The following PACS2 variants were observed in gnomAD, a reference collection of about 807,000 sequenced individuals.
The protein encoded by PACS2 is PACS1-like protein.
A neutral mutation model predicts 113.0 loss-of-function variants in PACS2; 36 were observed. That is an observed-to-expected ratio of 0.32 (90% CI 0.24 to 0.42). The LOEUF is 0.42. Among genes scored for constraint, PACS2 ranks in the 10% least tolerant of loss-of-function variants. The pLI is 1.00. For synonymous variants in PACS2, 589 were observed against 536.1 expected (o/e 1.10, Z -1.36); for missense variants, 1,015 against 1,239.5 (o/e 0.82, Z 2.72).
At chr14:105,360,056 T>C (rs1435399989) in intron 4 of PACS2, among the ~76,000 whole-genome samples, 1 of 152,194 alleles carries the variant, frequency 6.6e-6, no homozygotes, top group African/African-American at 2.4e-5. Flanking sequence ...CTGTCTCTCA[T>C]ATAGGCTGAC....
At chr14:105,360,292 C>T (rs1278569047) in intron 4 of PACS2, among the ~76,000 whole-genome samples, 2 of 152,098 alleles carry the variant, frequency 1.3e-5, no homozygotes, top group Non-Finnish European at 2.9e-5. Context: ...GTAATCCCAG[C>T]ACTTTGGGAG....
chr14:105,304,176 C>A (rs2058111524), intron 1 of PACS2, among the ~76,000 whole-genome samples: 1 of 152,088 alleles, frequency 6.6e-6, no homozygotes, highest in African/African-American at 2.4e-5. Flanking sequence ...AAGACCACAC[C>A]CACAACGGTA....
At chr14:105,325,491 C>T (rs149933112) in intron 1 of PACS2, among the ~76,000 whole-genome samples, 6 of 152,156 alleles carry the variant, frequency 3.9e-5, no homozygotes, top group Admixed American at 3.3e-4. Context: ...TGCTGTGTCT[C>T]GCATTTCTGT....
At position 105,389,989 on chromosome 14, in the gene PACS2, A is replaced by G. The variant is rs782503861; in HGVS notation, c.2062A>G (p.Ile688Val). Residue 688 changes from isoleucine (I) to valine (V), a missense_variant, in exon 20 of 25, where the codon ATT (isoleucine) becomes GTT (valine). Ile to Val is a conservative substitution (Grantham distance 29, BLOSUM62 3). Coordinates refer to ENST00000447393, the MANE Select transcript of PACS2 (RefSeq NM_001100913.3). Reference sequence around the variant, plus strand: ...TGACGAAGAGTCCTCCCAAAAGTTCATTCCCTTTGTCGGGGTGAGTACTGG... The same window carrying G: ...TGACGAAGAGTCCTCCCAAAAGTTCGTTCCCTTTGTCGGGGTGAGTACTGG... ...SPDEESSQKF[I>V]PFVGVVKVGI... The G allele has an allele frequency of 1.2e-5, 20 of 1,613,858 alleles. No individual in the cohort carries two copies. Among genetic ancestry groups the G allele is most frequent in the Non-Finnish European group, 1.5e-5 (18 of 1,179,918 alleles).
At chr14:105,364,047 A>C (rs1365806643) in intron 4 of PACS2, among the ~76,000 whole-genome samples, 1 of 152,170 alleles carries the variant, frequency 6.6e-6, no homozygotes, top group East Asian at 1.9e-4. Flanking sequence ...TGTGATAGTC[A>C]CACCGTAGCT....
Position 105,357,436 on chromosome 14 carries a change from G to C in PACS2, c.423+2259G>C, listed in dbSNP as rs1201021411. On this transcript the variant is annotated intron_variant, in intron 4 of 24. Transcript: ENST00000447393. This position sits in a 1 kb window ranked among gnomAD's most constrained non-coding sequence, Gnocchi z 5.1. The stretch of plus-strand genomic sequence containing the variant: ...CCCTGCACCTGTGGCTTCCAAAGCC[G>C]AGGTCATCTGACTGCTCCTCGCTCT... Among the ~76,000 whole-genome samples, 1 of 152,072 alleles carries C rather than the reference G, an allele frequency of 6.6e-6. No individual in the cohort carries two copies. The highest frequency in any genetic ancestry group is 2.4e-5 in the African/African-American group (1 of 41,400).
At chr14:105,368,271 G>A (rs2061014232) in intron 6 of PACS2, 124 bp downstream of exon 6, 5 of 834,844 alleles carry the variant, frequency 6.0e-6, no homozygotes, top group Non-Finnish European at 7.7e-6. Flanking sequence ...CCTGGCCCCT[G>A]GTTGGCCGCC....
In PACS2 at chr14:105,383,510, C is replaced by T. The variant is rs1294051904; in HGVS notation, c.1777C>T (p.Leu593=). ...CTACATGCGCTTCCTGGTCATCCCACTGGGTGAGCACCACGCCGTCCACCT... is the reference window on the plus strand; with the variant it reads ...CTACATGCGCTTCCTGGTCATCCCATTGGGTGAGCACCACGCCGTCCACCT... The part of the protein sequence containing the change: ...LGYMRFLVIP[L]GSHPVARYLG... The change falls in exon 16 of 25, where the codon CTG becomes TTG. Residue 593 remains leucine, a synonymous_variant. Transcript: ENST00000447393. 1.3e-6 allele frequency: 2 copies of T among 1,591,062 alleles called. No homozygotes were observed. Among genetic ancestry groups the T allele is most frequent in the Non-Finnish European group, 1.7e-6 (2 of 1,168,900 alleles).
Position 105,392,774 on chromosome 14 carries a change from C to T in PACS2, c.2411C>T (p.Pro804Leu). 1.2e-6 allele frequency: 2 copies of T among 1,611,462 alleles called. No individual in the cohort carries two copies. The highest frequency in any genetic ancestry group is 2.2e-5 in the South Asian group (2 of 91,076). Residue 804 changes from proline to leucine, a missense_variant, in exon 23 of 25, where the codon CCC (proline) becomes CTC (leucine). Around this residue, in one of 3 missense-constraint regions of PACS2, gnomAD observed 859 missense variants for 1,056.8 expected, o/e 0.81. Coordinates refer to ENST00000447393, the MANE Select transcript of PACS2 (RefSeq NM_001100913.3). Reference protein sequence around the residue: ...TFRSLQVSRLPSSGEAAATPT... With the variant: ...TFRSLQVSRLLSSGEAAATPT... ...CGGTCCCTCCAGGTCAGCAGGCTGC[C>T]CAGCAGCGGCGAGGCTGCAGCCACG...
Position 105,356,931 on chromosome 14 carries a change from T to G in PACS2, c.423+1754T>G, listed in dbSNP as rs1214475730. The stretch of plus-strand genomic sequence containing the variant: ...TGTTTCCCATTAGCCATGCAGGCGA[T>G]GTCCTGCTGATCCCTGCCGGTCCCT... On this transcript the variant is annotated intron_variant, in intron 4 of 24. Coordinates refer to ENST00000447393, the MANE Select transcript of PACS2 (RefSeq NM_001100913.3). This position sits in a 1 kb window ranked among gnomAD's most constrained non-coding sequence, Gnocchi z 4.0. 1.9e-3 allele frequency among the ~76,000 whole-genome samples: 228 copies of G among 122,822 alleles called. No individual in the cohort carries two copies. The highest frequency in any genetic ancestry group is 4.9e-3 in the Middle Eastern group (1 of 204). The allele number at this position is 122,822 out of a possible 152,430, so 80.6% of individuals were successfully genotyped here. A position where few individuals can be genotyped will look rare whatever the true frequency, so the allele number is the denominator to read the frequency against.
chr14:105,343,190 G>A (rs1311637347), intron 1 of PACS2, among the ~76,000 whole-genome samples: 2 of 152,182 alleles, frequency 1.3e-5, no homozygotes, highest in Admixed American at 6.5e-5. Flanking sequence ...CACTCAACAC[G>A]ATGCCTTCCA....
At chr14:105,382,438 G>C in intron 13 of PACS2, 39 bp from the exon 14 acceptor site, 1 of 1,224,884 alleles carries the variant, frequency 8.2e-7, no homozygotes, top group African/African-American at 1.5e-5. Context: ...TGGGCGCTGT[G>C]CTTCTCTTCT....
intron 19 of PACS2, among the ~76,000 whole-genome samples, chr14:105,386,358 G>C: frequency 6.6e-6 from 1 of 152,166 alleles, no homozygotes; most frequent in East Asian, 1.9e-4. Flanking sequence ...GAGCACCTGG[G>C]GCCAGCAGAG....
At chr14:105,386,661 C>T (rs587694551) in intron 19 of PACS2, among the ~76,000 whole-genome samples, 3 of 152,158 alleles carry the variant, frequency 2.0e-5, no homozygotes, top group Admixed American at 1.3e-4. Flanking sequence ...GGAAACCCCC[C>T]CAACCCCCTG....
At chr14:105,338,548 C>T (rs1451878135) in intron 1 of PACS2, among the ~76,000 whole-genome samples, 1 of 152,188 alleles carries the variant, frequency 6.6e-6, no homozygotes, top group Non-Finnish European at 1.5e-5. Flanking sequence ...ATTCCGGGTC[C>T]TCCAGGGCCA....
chr14:105,377,567 T>C lies in PACS2; in HGVS notation c.959+642T>C, dbSNP rs141988499. 9.9e-4 allele frequency among the ~76,000 whole-genome samples: 150 copies of C among 152,170 alleles called. 3 individuals carry two copies. The East Asian group carries it at 0.015, about 16-fold the overall frequency. ...GAGGAGCCAGAGGCCCCAGTCAGAG[T>C]CAGGAAGCTTGGTAGACCTTTTGCT... On this transcript the variant is annotated intron_variant, in intron 9 of 24. Coordinates refer to ENST00000447393, the MANE Select transcript of PACS2 (RefSeq NM_001100913.3).
At position 105,382,830 on chromosome 14, in the gene PACS2, G is replaced by A; in HGVS notation, c.1542G>A (p.Arg514=). Reference sequence around the variant, plus strand: ...AGTTCCTCTCCGACGTCCTGCAGAGGCACACGCTCCCCGTGGTGTGCACGT... The same window carrying A: ...AGTTCCTCTCCGACGTCCTGCAGAGACACACGCTCCCCGTGGTGTGCACGT... The part of the protein sequence containing the change: ...QGQFLSDVLQ[R]HTLPVVCTCS... Residue 514 remains arginine, a synonymous_variant, in exon 15 of 25, where the codon AGG becomes AGA. Transcript: ENST00000447393. 1.2e-6 allele frequency: 2 copies of A among 1,604,054 alleles called. No homozygotes were observed. Among genetic ancestry groups the A allele is most frequent in the African/African-American group, 1.3e-5 (1 of 74,978 alleles).
rs1457202594 is a variant in PACS2 at position 105,358,387 on chromosome 14, CCT to C, written c.423+3214_423+3215del. Among the ~76,000 whole-genome samples, 2 of 152,216 alleles carry C rather than the reference CCT, an allele frequency of 1.3e-5. No individual in the cohort carries two copies. The highest frequency in any genetic ancestry group is 6.5e-5 in the Admixed American group (1 of 15,288). The stretch of plus-strand genomic sequence containing the variant: ...AAGCTTGAGCTGACTGCAGGTGGTC[CCT>C]CTCAGAGGCAGCTCCGCAGAGGCAG... On this transcript the variant is annotated intron_variant, in intron 4 of 24. Coordinates refer to ENST00000447393, the MANE Select transcript of PACS2 (RefSeq NM_001100913.3). This position sits in a 1 kb window ranked among gnomAD's most constrained non-coding sequence, Gnocchi z 4.9.
In PACS2 at chr14:105,330,162, G is replaced by A. The variant is rs1361042981; in HGVS notation, c.119+15125G>A. 6.8e-6 allele frequency among the ~76,000 whole-genome samples: 1 copy of A among 146,036 alleles called. No homozygotes were observed. Among genetic ancestry groups the A allele is most frequent in the Admixed American group, 6.8e-5 (1 of 14,784 alleles). On this transcript the variant is annotated intron_variant, in intron 1 of 24. Coordinates refer to ENST00000447393, the MANE Select transcript of PACS2 (RefSeq NM_001100913.3). This position sits in a 1 kb window ranked among gnomAD's most constrained non-coding sequence, Gnocchi z 6.9. ...GACAGGGAGCCTCCGAGAAGCCTGG[G>A]GTCCGTGTGTGGGACGGAACGGGGA...
Sources: allele counts gnomAD v4.1 joint callset (sites outside exome capture counted in the v4.1 genomes callset), GRCh38; gene constraint gnomAD v4.1.1; regional missense constraint gnomAD v4.1.1; non-coding constraint Gnocchi (gnomAD v3.1); transcripts MANE v1.5; gene names NCBI Gene and HGNC (gene_info 2026-07-23, HGNC 2026-07-21).